OR4D2: variants seen among roughly 807,000 people sequenced by gnomAD.
OR4D2 encodes the protein olfactory receptor family 4 subfamily D member 2.
A neutral mutation model predicts 12.4 loss-of-function variants in OR4D2; 9 were observed. The ratio of observed to expected loss-of-function variants is 0.73; its 90% CI spans 0.44 to 1.27. The LOEUF is 1.27. Ranked by LOEUF, OR4D2 falls within the 50% of genes most tolerant of loss-of-function variation. The pLI, the probability that OR4D2 is intolerant of heterozygous loss-of-function variation, is 0.00. For missense variants in OR4D2, 373 were observed against 381.6 expected (o/e 0.98, Z 0.19); for synonymous variants, 151 against 151.1 (o/e 1.00, Z 0.01).
chr17:58,167,854 T>A (rs1452100211), intron 1 of OR4D2, among the ~76,000 whole-genome samples: 3 of 151,186 alleles, frequency 2.0e-5, no homozygotes, highest in African/African-American at 7.3e-5. Context: ...ACAAAAAAAA[T>A]TAGCCGGGCG....
At position 58,170,218 on chromosome 17, in the gene OR4D2, C is replaced by T. The variant is rs1967946117; in HGVS notation, c.563C>T (p.Ala188Val). 1.2e-6 allele frequency: 2 copies of T among 1,614,110 alleles called. No individual in the cohort carries two copies. The highest frequency in any genetic ancestry group is 1.7e-6 in the Non-Finnish European group (2 of 1,179,968). The change falls in exon 2 of 2, where the codon GCC becomes GTC. Residue 188 changes from alanine to valine, a missense_variant. Transcript: ENST00000545221. ...GATGTTCCCCAAGTACTGAGACTTG[C>T]CTGCACTGACACCTCACTGCTGGAG... Reference protein sequence around the residue: ...YCDVPQVLRLACTDTSLLEFL... With the variant: ...YCDVPQVLRLVCTDTSLLEFL...
At position 58,170,504 on chromosome 17, in the gene OR4D2, C is replaced by A. The variant is rs1205985317; in HGVS notation, c.849C>A (p.Asn283Lys). Residue 283 changes from asparagine (N) to lysine (K), a missense_variant, in exon 2 of 2, where the codon AAC becomes AAA. Physicochemically the swap from Asn to Lys is moderately conservative, Grantham distance 94 (BLOSUM62 0). Transcript: ENST00000545221. ...ACACAGTCATGACCCCCATGCTCAA[C>A]CCCATGATCTATACCCTGAGGAACC... ...IGHTVMTPML[N>K]PMIYTLRNQD... 6.2e-7 allele frequency: 1 copy of A among 1,614,066 alleles called. No homozygotes were observed. The highest frequency in any genetic ancestry group is 1.3e-5 in the African/African-American group (1 of 74,934).
Position 58,170,867 on chromosome 17 carries a change from G to A in OR4D2, c.*288G>A, listed in dbSNP as rs1314291540. The A allele has an allele frequency of 7.0e-6, 3 of 428,382 alleles. No homozygotes were observed. The highest frequency in any genetic ancestry group is 8.0e-5 in the Admixed American group (2 of 24,996). 26.5% of individuals were successfully genotyped at this position (428,382 alleles called of 1,614,324 possible). On this transcript the variant is annotated 3_prime_UTR_variant, in exon 2 of 2. Coordinates refer to ENST00000545221, the MANE Select transcript of OR4D2 (RefSeq NM_001004707.4). ...CTTGGTGGACAGTTTCCTGTTGACA[G>A]CATTTCCCCTGTGCGAACATTTCTA...
Position 58,170,733 on chromosome 17 carries a change from G to T in OR4D2, c.*154G>T. On this transcript the variant is annotated 3_prime_UTR_variant, in exon 2 of 2. Coordinates refer to ENST00000545221, the MANE Select transcript of OR4D2 (RefSeq NM_001004707.4). ...AGCAACTTCGTGTTTTAGGAAAAAA[G>T]AAAGTATCCTCTTTGGTGGTTAAGG... is the stretch of plus-strand genomic sequence containing the variant. 1.5e-6 allele frequency: 1 copy of T among 648,032 alleles called. No homozygotes were observed. The highest frequency in any genetic ancestry group is 2.7e-6 in the Non-Finnish European group (1 of 364,918). 40.1% of individuals were successfully genotyped at this position (648,032 alleles called of 1,614,324 possible). A position where few individuals can be genotyped will look rare whatever the true frequency, so the allele number is the denominator to read the frequency against.
In OR4D2 at chr17:58,170,211, A is replaced by G; in HGVS notation, c.556A>G (p.Arg186Gly). ...CTACTGTGATGTTCCCCAAGTACTGAGACTTGCCTGCACTGACACCTCACT... is the reference window on the plus strand; with the variant it reads ...CTACTGTGATGTTCCCCAAGTACTGGGACTTGCCTGCACTGACACCTCACT... ...NFYCDVPQVLRLACTDTSLLE... is the reference protein window; with the variant it reads ...NFYCDVPQVLGLACTDTSLLE... Residue 186 changes from arginine to glycine, a missense_variant, in exon 2 of 2, where the codon AGA becomes GGA. Transcript: ENST00000545221. 6.2e-7 allele frequency: 1 copy of G among 1,614,126 alleles called. No individual in the cohort carries two copies. The highest frequency in any genetic ancestry group is 8.5e-7 in the Non-Finnish European group (1 of 1,180,020).
chr17:58,169,175 T>C (rs1175611658), intron 1 of OR4D2, among the ~76,000 whole-genome samples: 1 of 152,218 alleles, frequency 6.6e-6, no homozygotes, highest in East Asian at 1.9e-4. Context: ...CACAGGTGAG[T>C]AATTGCCATT....
chr17:58,169,570 G>C, intron 1 of OR4D2, 68 bp from the exon 2 acceptor site: 2 of 1,071,780 alleles, frequency 1.9e-6, no homozygotes. Flanking sequence ...CCTTGGTTCT[G>C]AGCCCCTGAG....
rs763326314 is a variant in OR4D2 at position 58,169,743 on chromosome 17, A to C, written c.88A>C (p.Met30Leu). The change falls in exon 2 of 2, where the codon ATG becomes CTG. Residue 30 changes from methionine to leucine, a missense_variant. Physicochemically the swap from Met to Leu is conservative, Grantham distance 15 (BLOSUM62 2). Coordinates refer to ENST00000545221, the MANE Select transcript of OR4D2 (RefSeq NM_001004707.4). Reference protein sequence around the residue: ...TRELQRFLFLMFLFVYITTVM... With the variant: ...TRELQRFLFLLFLFVYITTVM... ...GGAGCTCCAGCGTTTCCTGTTTCTA[A>C]TGTTCCTGTTTGTCTACATCACCAC... The C allele has an allele frequency of 2.5e-5, 40 of 1,613,892 alleles. No individual in the cohort carries two copies. Among genetic ancestry groups the C allele is most frequent in the Non-Finnish European group, 3.1e-5 (37 of 1,179,944 alleles).
rs1967947840 is a variant in OR4D2, at chr17:58,170,307, T to C, written c.652T>C (p.Tyr218His). The change falls in exon 2 of 2, where the codon TAC becomes CAC. Residue 218 changes from tyrosine (Y) to histidine (H), a missense_variant. Tyr to His is a moderately conservative substitution (Grantham distance 83). Transcript: ENST00000545221. ...VVWFFLLLMS[Y>H]LFILVMLRSH... ...CTGGTTCTTCCTCCTCCTGATGTCCTACTTATTCATCCTGGTGATGCTGAG... is the reference window on the plus strand; with the variant it reads ...CTGGTTCTTCCTCCTCCTGATGTCCCACTTATTCATCCTGGTGATGCTGAG... The C allele has an allele frequency of 1.9e-6, 3 of 1,614,108 alleles. No individual in the cohort carries two copies. The highest frequency in any genetic ancestry group is 2.5e-6 in the Non-Finnish European group (3 of 1,180,034).
rs746699733 is a variant in OR4D2 at position 58,169,956 on chromosome 17, A to T, written c.301A>T (p.Ile101Phe). The change falls in exon 2 of 2, where the codon ATC (isoleucine) becomes TTC (phenylalanine). Residue 101 changes from isoleucine to phenylalanine, a missense_variant. Physicochemically the swap from Ile to Phe is conservative, Grantham distance 21. Coordinates refer to ENST00000545221, the MANE Select transcript of OR4D2 (RefSeq NM_001004707.4). ...TISYQGCMGQ[I>F]FFFHFLGGAM... Reference sequence around the variant, plus strand: ...CTCTTACCAGGGCTGCATGGGTCAGATCTTCTTCTTCCACTTTTTGGGAGG... The same window carrying T: ...CTCTTACCAGGGCTGCATGGGTCAGTTCTTCTTCTTCCACTTTTTGGGAGG... The T allele has an allele frequency of 2.7e-5, 44 of 1,613,838 alleles. No homozygotes were observed. Among genetic ancestry groups the T allele is most frequent in the Non-Finnish European group, 3.6e-5 (43 of 1,179,976 alleles).
rs1334394409 is a variant in OR4D2, at chr17:58,170,786, G to A, written c.*207G>A. On this transcript the variant is annotated 3_prime_UTR_variant, in exon 2 of 2. Coordinates refer to ENST00000545221, the MANE Select transcript of OR4D2 (RefSeq NM_001004707.4). ...TGTGATAAAGAGTTTTAACACACTC[G>A]CAACAATGAGAATTGTTCACATGGC... 8.7e-6 allele frequency: 5 copies of A among 575,436 alleles called. No individual in the cohort carries two copies. The highest frequency in any genetic ancestry group is 1.5e-5 in the Non-Finnish European group (5 of 323,056). The allele number at this position is 575,436 out of a possible 1,614,324, so 35.6% of individuals were successfully genotyped here.
rs778355210 is a variant in OR4D2 at position 58,169,919 on chromosome 17, G to T, written c.264G>T (p.Glu88Asp). ...AAATGCTAGTGGACCTCCTCTCTGA[G>T]AAGAAAACCATCTCTTACCAGGGCT... ...APKMLVDLLS[E>D]KKTISYQGCM... The change falls in exon 2 of 2, where the codon GAG (glutamate) becomes GAT (aspartate). Residue 88 changes from glutamate (E) to aspartate (D), a missense_variant. Glu to Asp is a conservative substitution (Grantham distance 45, BLOSUM62 2). Coordinates refer to ENST00000545221, the MANE Select transcript of OR4D2 (RefSeq NM_001004707.4). 5 of 1,614,104 alleles carry T rather than the reference G, an allele frequency of 3.1e-6. No homozygotes were observed. In the South Asian group the frequency reaches 5.5e-5, roughly 18 times the overall value.
At chr17:58,167,374 A>G (rs1597955845) in intron 1 of OR4D2, among the ~76,000 whole-genome samples, 2 of 152,218 alleles carry the variant, frequency 1.3e-5, no homozygotes, top group African/African-American at 4.8e-5. Flanking sequence ...GAAGGTAGCA[A>G]AAGGCATTTC....
At position 58,169,735 on chromosome 17, in the gene OR4D2, T is replaced by C. The variant is rs1030449672; in HGVS notation, c.80T>C (p.Leu27Pro). ...CAGACTCGGGAGCTCCAGCGTTTCCTGTTTCTAATGTTCCTGTTTGTCTAC... is the reference window on the plus strand; with the variant it reads ...CAGACTCGGGAGCTCCAGCGTTTCCCGTTTCTAATGTTCCTGTTTGTCTAC... ...LSQTRELQRF[L>P]FLMFLFVYIT... is the part of the protein sequence containing the mutation. The change falls in exon 2 of 2, where the codon CTG (leucine) becomes CCG (proline). Residue 27 changes from leucine to proline, a missense_variant. Physicochemically the swap from Leu to Pro is moderately conservative, Grantham distance 98. Transcript: ENST00000545221. 2.5e-6 allele frequency: 4 copies of C among 1,614,142 alleles called. No individual in the cohort carries two copies. The highest frequency in any genetic ancestry group is 1.7e-6 in the Non-Finnish European group (2 of 1,179,980).
chr17:58,167,513 C>A (rs1967903356), intron 1 of OR4D2, among the ~76,000 whole-genome samples: 1 of 152,108 alleles, frequency 6.6e-6, no homozygotes, highest in South Asian at 2.1e-4. Flanking sequence ...TATAGGGAGG[C>A]TATTTTTTAT....
Position 58,170,542 on chromosome 17 carries a change from C to G in OR4D2, c.887C>G (p.Ala296Gly), listed in dbSNP as rs1967953226. The G allele has an allele frequency of 6.2e-7, 1 of 1,614,162 alleles. No homozygotes were observed. Among genetic ancestry groups the G allele is most frequent in the Non-Finnish European group, 8.5e-7 (1 of 1,179,994 alleles). The change falls in exon 2 of 2, where the codon GCA (alanine) becomes GGA (glycine). Residue 296 changes from alanine (A) to glycine (G), a missense_variant. Physicochemically the swap from Ala to Gly is moderately conservative, Grantham distance 60 (BLOSUM62 0). Coordinates refer to ENST00000545221, the MANE Select transcript of OR4D2 (RefSeq NM_001004707.4). ...IYTLRNQDMQ[A>G]AVRRLGRHRL... ...ACCCTGAGGAACCAGGACATGCAGG[C>G]AGCAGTGAGAAGATTAGGGAGACAC...
intron 1 of OR4D2, among the ~76,000 whole-genome samples, chr17:58,167,531 T>C (rs1184105197): frequency 6.6e-6 from 1 of 152,220 alleles, no homozygotes; most frequent in Non-Finnish European, 1.5e-5. Flanking sequence ...TATAGTCTTG[T>C]ATGAAATGCT....
Position 58,169,721 on chromosome 17 carries a change from G to A in OR4D2, c.66G>A (p.Glu22=). The A allele has an allele frequency of 6.2e-7, 1 of 1,614,104 alleles. No individual in the cohort carries two copies. Among genetic ancestry groups the A allele is most frequent in the Non-Finnish European group, 8.5e-7 (1 of 1,179,950 alleles). The change falls in exon 2 of 2, where the codon GAG becomes GAA. Residue 22 remains glutamate, a synonymous_variant. Coordinates refer to ENST00000545221, the MANE Select transcript of OR4D2 (RefSeq NM_001004707.4). ...FVFLGLSQTR[E]LQRFLFLMFL... is the part of the protein sequence containing the mutation. Reference sequence around the variant, plus strand: ...TCCTGGGGCTCTCGCAGACTCGGGAGCTCCAGCGTTTCCTGTTTCTAATGT... The same window carrying A: ...TCCTGGGGCTCTCGCAGACTCGGGAACTCCAGCGTTTCCTGTTTCTAATGT...
Position 58,170,037 on chromosome 17 carries a change from C to G in OR4D2, c.382C>G (p.Arg128Gly), listed in dbSNP as rs1367903416. Residue 128 changes from arginine to glycine, a missense_variant, in exon 2 of 2, where the codon CGG (arginine) becomes GGG (glycine). Arg to Gly is a moderately radical substitution (Grantham distance 125). Transcript: ENST00000545221. ...MAFDRLIAIS[R>G]PLRYVTVMNT... Reference sequence around the variant, plus strand: ...CTTTGACCGCCTCATTGCCATCTCCCGGCCCCTCCGCTATGTCACCGTCAT... The same window carrying G: ...CTTTGACCGCCTCATTGCCATCTCCGGGCCCCTCCGCTATGTCACCGTCAT... The G allele has an allele frequency of 1.2e-6, 2 of 1,613,986 alleles. No individual in the cohort carries two copies. The highest frequency in any genetic ancestry group is 2.7e-5 in the African/African-American group (2 of 74,912).
Sources: allele counts gnomAD v4.1 joint callset (sites outside exome capture counted in the v4.1 genomes callset), GRCh38; gene constraint gnomAD v4.1.1; transcripts MANE v1.5; gene names NCBI Gene and HGNC (gene_info 2026-07-23, HGNC 2026-07-21).